The following ARHGEF6 variants were observed in gnomAD, a reference collection of about 807,000 sequenced individuals.
ARHGEF6 encodes the protein rho guanine nucleotide exchange factor 6.
Under a neutral mutation model 70.3 loss-of-function variants are expected in ARHGEF6, and 9 were observed. That is an observed-to-expected ratio of 0.13 (90% CI 0.08 to 0.22). The LOEUF is 0.22. Among genes scored for constraint, ARHGEF6 ranks in the 10% least tolerant of loss-of-function variants. The pLI, the probability that ARHGEF6 is intolerant of heterozygous loss-of-function variation, is 1.00. For synonymous variants in ARHGEF6, 201 were observed against 207.8 expected (o/e 0.97, Z 0.28); for missense variants, 470 against 563.0 (o/e 0.83, Z 1.67).
At chrX:136,686,627 T>TATATATATATATATATATATACAC (rs1569393860) in intron 11 of ARHGEF6, among the ~76,000 whole-genome samples, 26 of 52,309 alleles carry the variant, frequency 5.0e-4, no homozygotes, top group African/African-American at 9.0e-4. Context: ...TATATACACA[T>TATATATATATATATATATATACAC]ATATATATAT....
chrX:136,706,878 G>A, intron 9 of ARHGEF6, 30 bp downstream of exon 9: 2 of 1,210,456 alleles, frequency 1.7e-6, no homozygotes, highest in South Asian at 3.5e-5. Context: ...GGATCTCATT[G>A]CAAAAGTTGG....
intron 2 of ARHGEF6, among the ~76,000 whole-genome samples, chrX:136,776,259 C>A (rs4262442): frequency 9.1e-6 from 1 of 110,396 alleles, no homozygotes; most frequent in Non-Finnish European, 1.9e-5. Flanking sequence ...AAGAACAAAT[C>A]TAGAGGCATC....
At position 136,666,459 on chromosome X, in the gene ARHGEF6, G is replaced by A. The variant is rs1340270192; in HGVS notation, c.*1570C>T. 1.8e-5 allele frequency: 2 copies of A among 112,289 alleles called. No individual in the cohort carries two copies. Among genetic ancestry groups the A allele is most frequent in the Non-Finnish European group, 3.8e-5 (2 of 53,251 alleles). 9.3% of individuals were successfully genotyped at this position (112,289 alleles called of 1,213,427 possible). A position where few individuals can be genotyped will look rare whatever the true frequency, so the allele number is the denominator to read the frequency against. On this transcript the variant is annotated 3_prime_UTR_variant, in exon 22 of 22. Transcript: ENST00000250617. ...CAGCCTTGACCTCCTGGGCTCAAAT[G>A]ATCCTCCCACCTCAGCCTCCTGAGT... is the stretch of plus-strand genomic sequence containing the variant.
At chrX:136,685,959 G>T (rs1482925878) in intron 11 of ARHGEF6, 136 bp from the exon 12 acceptor site, 3 of 675,698 alleles carry the variant, frequency 4.4e-6, no homozygotes, top group East Asian at 3.5e-5. Flanking sequence ...CCATGACCCA[G>T]GCCTGTTCTT....
chrX:136,708,549 A>G (rs2076651079), intron 8 of ARHGEF6, 126 bp downstream of exon 8: 5 of 539,283 alleles, frequency 9.3e-6, no homozygotes, highest in South Asian at 7.4e-5. Flanking sequence ...ATGTATTGCT[A>G]CTTTGTTCAG....
intron 15 of ARHGEF6, 22 bp from the exon 16 acceptor site, chrX:136,679,682 T>C (rs1177995089): frequency 5.0e-6 from 6 of 1,211,476 alleles, no homozygotes; most frequent in Non-Finnish European, 6.7e-6. Flanking sequence ...TCTGATGAGA[T>C]GTTGGCAATC....
At chrX:136,743,997 A>T (rs367838372) in intron 4 of ARHGEF6, among the ~76,000 whole-genome samples, 1 of 111,718 alleles carries the variant, frequency 9.0e-6, no homozygotes, top group Non-Finnish European at 1.9e-5. Flanking sequence ...CATTTGTGAG[A>T]ATCTGTATTT....
intron 20 of ARHGEF6, 53 bp downstream of exon 20, chrX:136,671,967 C>A: frequency 9.7e-7 from 1 of 1,029,935 alleles, no homozygotes; most frequent in Non-Finnish European, 1.4e-6. Context: ...TCCTACCAGA[C>A]CTTCTTGCCA....
intron 6 of ARHGEF6, among the ~76,000 whole-genome samples, chrX:136,713,805 G>T (rs1318404274): frequency 8.9e-6 from 1 of 112,061 alleles, no homozygotes; most frequent in Non-Finnish European, 1.9e-5. Flanking sequence ...ATGTTTTCAT[G>T]TGCTGTAAAT....
chrX:136,718,941 G>T lies in ARHGEF6; in HGVS notation c.733-5571C>A, dbSNP rs758902713. ...ACTATTGTTGTAAACTATAGTTAAA[G>T]ACATTGTCCAGTATGTTGACTGGCA... On this transcript the variant is annotated intron_variant, in intron 6 of 21. Transcript: ENST00000250617. 7.0e-5 allele frequency among the ~76,000 whole-genome samples: 7 copies of T among 100,618 alleles called. No individual in the cohort carries two copies. In the East Asian group the frequency reaches 1.2e-3, roughly 18 times the overall value. 87.4% of individuals were successfully genotyped at this position (100,618 alleles called of 115,157 possible).
chrX:136,747,456 A>G (rs2077105374), intron 3 of ARHGEF6, 52 bp downstream of exon 3: 4 of 1,109,024 alleles, frequency 3.6e-6, no homozygotes, highest in African/African-American at 1.8e-5. Context: ...AATCACAAAC[A>G]CATGGATTCA....
At chrX:136,674,894 C>T in intron 19 of ARHGEF6, 113 bp downstream of exon 19, 3 of 672,505 alleles carry the variant, frequency 4.5e-6, no homozygotes, top group Non-Finnish European at 7.2e-6. Context: ...CACCAAGTCA[C>T]CTGCTTTCCA....
At chrX:136,777,787 C>CA (rs767698755) in intron 2 of ARHGEF6, among the ~76,000 whole-genome samples, 4 of 109,246 alleles carry the variant, frequency 3.7e-5, no homozygotes, top group Non-Finnish European at 7.6e-5. Flanking sequence ...CACACACACA[C>CA]CATGGAATAC....
chrX:136,676,685 T>C lies in ARHGEF6; in HGVS notation c.1884A>G (p.Lys628=). The C allele has an allele frequency of 8.3e-7, 1 of 1,207,865 alleles. No homozygotes were observed. The highest frequency in any genetic ancestry group is 1.1e-6 in the Non-Finnish European group (1 of 891,804). ...ESSKSPKTMK[K]FLHKRKTERK... ...TCTCAGTCTTCCTTTTATGAAGAAA[T>C]TTCTTCATCGTTTTAGGGCTTTTAC... Residue 628 remains lysine, a synonymous_variant, in exon 18 of 22, where the codon AAA becomes AAG. Transcript: ENST00000250617.
At chrX:136,755,208 A>G (rs748493131) in intron 2 of ARHGEF6, among the ~76,000 whole-genome samples, 1 of 112,191 alleles carries the variant, frequency 8.9e-6, no homozygotes, top group East Asian at 2.8e-4. Flanking sequence ...TTTTACATTG[A>G]AGAGTGGCCA....
chrX:136,690,032 G>A (rs2076442896), intron 10 of ARHGEF6, among the ~76,000 whole-genome samples: 1 of 111,793 alleles, frequency 8.9e-6, no homozygotes. Context: ...TAAAAATGTG[G>A]GGGGACTCTG....
chrX:136,670,807 A>G (rs2076217972), intron 20 of ARHGEF6, among the ~76,000 whole-genome samples: 3 of 111,547 alleles, frequency 2.7e-5, no homozygotes, highest in South Asian at 7.6e-4. Context: ...TCTTTCTGGA[A>G]TATCTCAACC....
At chrX:136,685,949 C>A in intron 11 of ARHGEF6, 126 bp from the exon 12 acceptor site, 1 of 725,679 alleles carries the variant, frequency 1.4e-6, no homozygotes, top group South Asian at 2.4e-5. Flanking sequence ...ATCATGAATC[C>A]CATGACCCAG....
rs2148673971 is a variant in ARHGEF6, at chrX:136,758,241, C to T, written c.250-10649G>A. Among the ~76,000 whole-genome samples the T allele has an allele frequency of 2.8e-5, 3 of 107,002 alleles. No individual in the cohort carries two copies. In the East Asian group the frequency reaches 8.7e-4, roughly 31 times the overall value. The allele number at this position is 107,002 out of a possible 115,157, so 92.9% of individuals were successfully genotyped here. A position where few individuals can be genotyped will look rare whatever the true frequency, so the allele number is the denominator to read the frequency against. On this transcript the variant is annotated intron_variant, in intron 2 of 21. Transcript: ENST00000250617. ...AATTTTTTTGTATTTTTAGTAGAGA[C>T]GAGGTCTCACCGTGTTAGCCAGGAT...
Sources: gnomAD v4.1 joint callset for allele counts (sites outside exome capture counted in the v4.1 genomes callset) on GRCh38, gnomAD v4.1.1 for gene constraint, MANE v1.5 for transcripts, NCBI Gene and HGNC (gene_info 2026-07-23, HGNC 2026-07-21) for gene names.